Variants in KHDRBS2 observed in about 807,000 individuals in gnomAD.
KHDRBS2 encodes KH domain-containing, RNA-binding, signal transduction-associated protein 2.
In KHDRBS2, 26 loss-of-function variants were observed where a neutral mutation model predicts 44.3. The ratio of observed to expected loss-of-function variants is 0.59; its 90% CI spans 0.43 to 0.81. KHDRBS2 has a LOEUF of 0.81. Ranked by LOEUF, KHDRBS2 falls within the 40% of genes least tolerant of loss-of-function variation. The probability of loss-of-function intolerance (pLI) is 0.00; values close to 1 mark genes in which losing one functional copy is unlikely to be tolerated. For synonymous variants in KHDRBS2, 194 were observed against 151.1 expected (o/e 1.28, Z -2.08); for missense variants, 476 against 433.1 (o/e 1.10, Z -0.88).
At chr6:62,163,208 T>G (rs1818003746) in intron 2 of KHDRBS2, among the ~76,000 whole-genome samples, 1 of 152,146 alleles carries the variant, frequency 6.6e-6, no homozygotes, top group South Asian at 2.1e-4. Context: ...AGTCTTGTCC[T>G]GGAAGCCAAT....
chr6:61,746,814 A>G (rs1264297828), intron 6 of KHDRBS2, among the ~76,000 whole-genome samples: 2 of 152,174 alleles, frequency 1.3e-5, no homozygotes, highest in African/African-American at 2.4e-5. Flanking sequence ...GGACATAGGC[A>G]TGGGTAAAGA....
At chr6:61,678,654 A>G (rs527723231), downstream of KHDRBS2, among the ~76,000 whole-genome samples, 7 of 152,090 alleles carry the variant, frequency 4.6e-5, no homozygotes, top group South Asian at 1.2e-3. Flanking sequence ...TTCACAATTC[A>G]CTTGACAAGC....
At chr6:61,547,890 A>G in the KHDRBS2 span, among the ~76,000 whole-genome samples, 1 of 152,146 alleles carries the variant, frequency 6.6e-6, no homozygotes, top group Non-Finnish European at 1.5e-5. Context: ...ATAGTAAATT[A>G]TGTTGGCCTT....
intron 3 of KHDRBS2, among the ~76,000 whole-genome samples, chr6:61,981,710 G>GC (rs1773879520): frequency 6.6e-6 from 1 of 152,050 alleles, no homozygotes; most frequent in Non-Finnish European, 1.5e-5. Flanking sequence ...TTTTCAGAGA[G>GC]CCCCTGGAAA....
chr6:62,195,636 A>G (rs1825523664), intron 1 of KHDRBS2, among the ~76,000 whole-genome samples: 1 of 152,134 alleles, frequency 6.6e-6, no homozygotes, highest in East Asian at 1.9e-4. Flanking sequence ...TTTCTGAGCT[A>G]AGGAATGAAT....
chr6:61,901,303 A>G lies in KHDRBS2; in HGVS notation c.552T>C (p.Ser184=), dbSNP rs1432088011. The change falls in exon 5 of 9, where the codon TCT becomes TCC. Residue 184 remains serine (S), a synonymous_variant. Transcript: ENST00000281156. ...TGCCTCTAATACCTCTGCCACGACC[A>G]GAGTCCTCTGAGCCATTTAAGTAAG... ...ELSYLNGSED[S]GRGRGIRGRG... 1.2e-6 allele frequency: 2 copies of G among 1,613,300 alleles called. No individual in the cohort carries two copies. Among genetic ancestry groups the G allele is most frequent in the Non-Finnish European group, 1.7e-6 (2 of 1,179,378 alleles).
intron 6 of KHDRBS2, among the ~76,000 whole-genome samples, chr6:61,876,810 A>G (rs771799623): frequency 1.6e-4 from 25 of 152,190 alleles, no homozygotes; most frequent in Middle Eastern, 3.4e-3. Context: ...TGCAGCCCCT[A>G]TGAGAAAAGG....
At chr6:61,773,485 G>A (rs533290532) in intron 6 of KHDRBS2, among the ~76,000 whole-genome samples, 16 of 151,984 alleles carry the variant, frequency 1.1e-4, no homozygotes, top group African/African-American at 3.4e-4. Context: ...TTTTTGATGG[G>A]GTTGTTTGTT....
At chr6:61,845,413 G>A (rs1312129503) in intron 6 of KHDRBS2, among the ~76,000 whole-genome samples, 3 of 151,280 alleles carry the variant, frequency 2.0e-5, no homozygotes, top group Non-Finnish European at 4.4e-5. Flanking sequence ...GGGTTCGAGC[G>A]ATTCTCCTGC....
chr6:61,916,091 TAA>T (rs2127355183), intron 4 of KHDRBS2, among the ~76,000 whole-genome samples: 1 of 152,200 alleles, frequency 6.6e-6, no homozygotes, highest in South Asian at 2.1e-4. Context: ...CCGAAACACT[TAA>T]TTCTAAACTT....
intron 7 of KHDRBS2, among the ~76,000 whole-genome samples, chr6:61,718,006 C>A (rs1211929881): frequency 6.6e-6 from 1 of 151,922 alleles, no homozygotes; most frequent in South Asian, 2.1e-4. Context: ...ATATATTATA[C>A]TTGGAAAAAT....
chr6:62,160,612 C>T (rs1817420087), intron 2 of KHDRBS2, among the ~76,000 whole-genome samples: 1 of 151,976 alleles, frequency 6.6e-6, no homozygotes. Flanking sequence ...TTAAAGATGA[C>T]CACGGCTACT....
At chr6:61,794,463 C>T (rs745943892) in intron 6 of KHDRBS2, among the ~76,000 whole-genome samples, 2 of 152,060 alleles carry the variant, frequency 1.3e-5, no homozygotes, top group Non-Finnish European at 2.9e-5. Flanking sequence ...AGCATTTGTA[C>T]GTTTTAGTGG....
At chr6:61,671,318 T>G in the KHDRBS2 span, among the ~76,000 whole-genome samples, 41 of 151,756 alleles carry the variant, frequency 2.7e-4, no homozygotes, top group Non-Finnish European at 5.0e-4. Context: ...AACTTAAGAT[T>G]AGTGTTCAGT....
chr6:61,793,302 T>C (rs1334815172), intron 6 of KHDRBS2, among the ~76,000 whole-genome samples: 2 of 152,058 alleles, frequency 1.3e-5, no homozygotes, highest in Non-Finnish European at 2.9e-5. Context: ...CAAGTAAATG[T>C]AGGAATATAT....
intron 2 of KHDRBS2, among the ~76,000 whole-genome samples, chr6:62,058,492 T>C (rs1388626650): frequency 2.0e-5 from 3 of 151,906 alleles, no homozygotes; most frequent in Admixed American, 1.3e-4. Flanking sequence ...CATACTTTAG[T>C]GCTCTATCCT....
Position 62,285,064 on chromosome 6 carries a change from T to C in KHDRBS2, c.91+794A>G, listed in dbSNP as rs138826725. Among the ~76,000 whole-genome samples the C allele has an allele frequency of 2.3e-3, 351 of 152,318 alleles. 1 individual carries two copies. Among genetic ancestry groups the C allele is most frequent in the African/African-American group, 7.7e-3 (319 of 41,582 alleles). On this transcript the variant is annotated intron_variant, in intron 1 of 8. Coordinates refer to ENST00000281156, the MANE Select transcript of KHDRBS2 (RefSeq NM_152688.4). ...ACCATAGGTGTCTTTAGTATTTAGA[T>C]GGCATTATTATAACATAAATGGAGT...
intron 8 of KHDRBS2, among the ~76,000 whole-genome samples, chr6:61,684,078 A>G (rs7744599): frequency 0.053 from 8,018 of 151,970 alleles, 330 homozygotes; most frequent in African/African-American, 0.11. Context: ...ATCTTTCCTA[A>G]TATCAGAATG....
At chr6:62,277,971 T>C (rs1240835608) in intron 1 of KHDRBS2, among the ~76,000 whole-genome samples, 1 of 152,130 alleles carries the variant, frequency 6.6e-6, no homozygotes, top group South Asian at 2.1e-4. Flanking sequence ...CTTGAGAAGA[T>C]GAGGAAGCCA....
Sources: gnomAD v4.1 joint callset for allele counts (sites outside exome capture counted in the v4.1 genomes callset) on GRCh38, gnomAD v4.1.1 for gene constraint, MANE v1.5 for transcripts, NCBI Gene and HGNC (gene_info 2026-07-23, HGNC 2026-07-21) for gene names.